DMD: variants seen among roughly 807,000 people sequenced by gnomAD.
DMD encodes dystrophin.
Under a neutral mutation model 330.1 loss-of-function variants are expected in DMD, and 63 were observed. The observed-to-expected ratio is 0.19, with a 90% CI of 0.16 to 0.24. The LOEUF (loss-of-function observed/expected upper bound fraction) is 0.24. DMD is among the 10% of genes least tolerant of loss of function. The pLI is 1.00. For missense variants in DMD, 3,344 were observed against 2,684.1 expected (o/e 1.25, Z -5.43); for synonymous variants, 1,223 against 959.8 (o/e 1.27, Z -5.07).
chrX:33,139,364 G>A (rs1407493682), intron 1 of DMD, among the ~76,000 whole-genome samples: 1 of 110,981 alleles, frequency 9.0e-6, no homozygotes, highest in Non-Finnish European at 1.9e-5. Context: ...GTTTGTTTTT[G>A]AGACGGAATT....
At chrX:32,524,645 G>A (rs1015481818) in intron 17 of DMD, among the ~76,000 whole-genome samples, 2 of 112,373 alleles carry the variant, frequency 1.8e-5, no homozygotes, top group African/African-American at 6.5e-5. Flanking sequence ...GTAACTGTCT[G>A]TTTGCTTCTC....
chrX:31,219,965 CTA>C (rs779066383), intron 64 of DMD, among the ~76,000 whole-genome samples: 10 of 111,201 alleles, frequency 9.0e-5, no homozygotes, highest in African/African-American at 2.9e-4. Context: ...CTGTATCTTT[CTA>C]TGTTTAAATA....
chrX:32,441,381 T>G lies in DMD; in HGVS notation c.3787-67A>C, dbSNP rs2098280949. On this transcript the variant is annotated intron_variant, in intron 27 of 78. Coordinates refer to ENST00000357033, the MANE Select transcript of DMD (RefSeq NM_004006.3). Reference sequence around the variant, plus strand: ...AAAAGTAAATGTGAAATTTTGCCATTTCATTATTAAAACTTCTGAAAATAT... The same window carrying G: ...AAAAGTAAATGTGAAATTTTGCCATGTCATTATTAAAACTTCTGAAAATAT... 7.4e-6 allele frequency: 8 copies of G among 1,081,415 alleles called. No individual in the cohort carries two copies. The East Asian group carries it at 2.4e-4, about 33-fold the overall frequency. 89.1% of individuals were successfully genotyped at this position (1,081,415 alleles called of 1,213,427 possible).
Position 32,476,700 on chromosome X carries a change from T to A in DMD, c.2804-4391A>T, listed in dbSNP as rs545983271. 3.6e-5 allele frequency among the ~76,000 whole-genome samples: 4 copies of A among 111,238 alleles called. No homozygotes were observed. In the South Asian group the frequency reaches 1.5e-3, roughly 42 times the overall value. On this transcript the variant is annotated intron_variant, in intron 21 of 78. Coordinates refer to ENST00000357033, the MANE Select transcript of DMD (RefSeq NM_004006.3). ...ATGCCAGTGAAGAATTCTAAATCTG[T>A]TTCAGATAAGAAGAAAGAAAAAGTC...
intron 44 of DMD, 99 bp downstream of exon 44, chrX:32,216,817 T>A (rs766587478): frequency 1.5e-5 from 12 of 784,661 alleles, no homozygotes; most frequent in Non-Finnish European, 2.3e-5. Flanking sequence ...CAGTCAAAAG[T>A]AATTTCCATC....
intron 9 of DMD, among the ~76,000 whole-genome samples, chrX:32,662,036 T>C (rs1171260424): frequency 9.0e-6 from 1 of 111,489 alleles, no homozygotes; most frequent in Non-Finnish European, 1.9e-5. Context: ...CAGAAATACC[T>C]TTTTGTCACA....
intron 17 of DMD, among the ~76,000 whole-genome samples, chrX:32,525,189 C>T (rs1295951071): frequency 8.9e-6 from 1 of 111,883 alleles, no homozygotes; most frequent in African/African-American, 3.2e-5. Flanking sequence ...TCCATTTGGA[C>T]TTCTTCCTTC....
chrX:31,723,432 C>G (rs1001825443), intron 52 of DMD, among the ~76,000 whole-genome samples: 2 of 111,319 alleles, frequency 1.8e-5, no homozygotes, highest in Admixed American at 9.6e-5. Context: ...CAATCTCCAA[C>G]TCTTAGAGGC....
chrX:33,259,597 GCC>G (rs34830749), intron 1 of DMD, among the ~76,000 whole-genome samples: 3 of 15,799 alleles, frequency 1.9e-4, no homozygotes, highest in African/African-American at 7.9e-4. Context: ...TTTCAAAATC[GCC>G]CCCCCCCCCC....
Position 31,932,219 on chromosome X carries a change from T to C in DMD, c.6623A>G (p.Glu2208Gly), listed in dbSNP as rs139937177. Residue 2208 changes from glutamate (E) to glycine (G), a missense_variant, in exon 46 of 79, where the codon GAA becomes GGA. Physicochemically the swap from Glu to Gly is moderately conservative, Grantham distance 98. Coordinates refer to ENST00000357033, the MANE Select transcript of DMD (RefSeq NM_004006.3). ...QLSDRKKRLEEQKNILSEFQR... is the reference protein window; with the variant it reads ...QLSDRKKRLEGQKNILSEFQR... ...AAATTCTGACAAGATATTCTTTTGT[T>C]CTTCTAGCCTGGAGAAAGAAGAATA... 14 of 1,181,747 alleles carry C rather than the reference T, an allele frequency of 1.2e-5. No individual in the cohort carries two copies. Among genetic ancestry groups the C allele is most frequent in the South Asian group, 1.8e-5 (1 of 55,722 alleles).
At chrX:32,704,751 G>A (rs1323802131) in intron 7 of DMD, among the ~76,000 whole-genome samples, 2 of 111,872 alleles carry the variant, frequency 1.8e-5, no homozygotes, top group Non-Finnish European at 3.8e-5. Flanking sequence ...AAGGAATAGA[G>A]AAACTGGAAA....
intron 59 of DMD, among the ~76,000 whole-genome samples, chrX:31,453,765 C>CAAAAAAAAAAAAAAGAAA (rs2065936217): frequency 1.1e-4 from 1 of 8,983 alleles, no homozygotes; most frequent in Non-Finnish European, 1.7e-4. Context: ...AAAAAACAAG[C>CAAAAAAAAAAAAAAGAAA]AAAAAAAAAA....
intron 2 of DMD, among the ~76,000 whole-genome samples, chrX:33,012,493 C>A (rs1390020498): frequency 8.9e-6 from 1 of 111,765 alleles, no homozygotes; most frequent in Non-Finnish European, 1.9e-5. Context: ...AACTCTACTG[C>A]AAACTAAGTT....
intron 7 of DMD, among the ~76,000 whole-genome samples, chrX:32,761,090 T>A (rs752126649): frequency 8.9e-6 from 1 of 112,044 alleles, no homozygotes; most frequent in Non-Finnish European, 1.9e-5. Context: ...CACTTAAATG[T>A]TATCAACTCA....
At chrX:31,892,527 T>C (rs1299490472) in intron 47 of DMD, among the ~76,000 whole-genome samples, 1 of 111,543 alleles carries the variant, frequency 9.0e-6, no homozygotes, top group East Asian at 2.8e-4. Flanking sequence ...ATGACAGGAA[T>C]ACATTCTGAG....
intron 53 of DMD, among the ~76,000 whole-genome samples, chrX:31,666,338 A>AT (rs1190123757): frequency 3.6e-5 from 4 of 111,940 alleles, no homozygotes; most frequent in African/African-American, 1.3e-4. Context: ...CCTTGCCTCT[A>AT]TGATCATGAA....
At chrX:32,880,333 TTGTC>T (rs758848802) in intron 2 of DMD, among the ~76,000 whole-genome samples, 7 of 109,671 alleles carry the variant, frequency 6.4e-5, no homozygotes, top group Admixed American at 1.9e-4. Flanking sequence ...AACTAACTGA[TTGTC>T]TGCCTATAAA....
intron 17 of DMD, among the ~76,000 whole-genome samples, chrX:32,544,788 G>GA (rs1399309291): frequency 4.8e-5 from 5 of 104,806 alleles, no homozygotes; most frequent in African/African-American, 1.4e-4. Context: ...TCCGTTACTG[G>GA]AAAAAAAAGA....
intron 44 of DMD, among the ~76,000 whole-genome samples, chrX:32,190,552 A>T (rs1447605755): frequency 2.7e-5 from 1 of 36,768 alleles, no homozygotes; most frequent in Non-Finnish European, 6.3e-5. Context: ...TTAAAATTTT[A>T]TATATATATA....
Sources: gnomAD v4.1 joint callset for allele counts (sites outside exome capture counted in the v4.1 genomes callset) on GRCh38, gnomAD v4.1.1 for gene constraint, MANE v1.5 for transcripts, NCBI Gene and HGNC (gene_info 2026-07-23, HGNC 2026-07-21) for gene names.